NEMP2: variants seen among roughly 807,000 people sequenced by gnomAD.
NEMP2 encodes the protein nuclear envelope integral membrane protein 2, also known as UPF0571 transmembrane protein.
Under a neutral mutation model 54.2 loss-of-function variants are expected in NEMP2, and 53 were observed. That is an observed-to-expected ratio of 0.98 (90% CI 0.78 to 1.23). The LOEUF (loss-of-function observed/expected upper bound fraction) is 1.23, where lower values mean the gene tolerates loss of function less well. NEMP2 is among the 50% of genes most tolerant of loss of function. NEMP2 has a pLI of 0.00. For synonymous variants in NEMP2, 197 were observed against 190.3 expected (o/e 1.04, Z -0.29); for missense variants, 455 against 511.3 (o/e 0.89, Z 1.06).
the NEMP2 span, among the ~76,000 whole-genome samples, chr2:190,425,466 G>C: frequency 2.0e-5 from 3 of 152,088 alleles, no homozygotes; most frequent in African/African-American, 7.2e-5. This position sits in a 1 kb window ranked among gnomAD's most constrained non-coding sequence, Gnocchi z 4.3. Flanking sequence ...TTACCCATGG[G>C]TTTCCGTAGG....
the NEMP2 span, among the ~76,000 whole-genome samples, chr2:190,559,190 T>C: frequency 6.6e-6 from 1 of 152,170 alleles, no homozygotes; most frequent in Non-Finnish European, 1.5e-5. The surrounding 1 kb of genome is among the most constrained non-coding windows in gnomAD (Gnocchi z 4.0). Flanking sequence ...GAAGATAATG[T>C]TGGGTTTCTG....
chr2:190,456,091 T>A, the NEMP2 span, among the ~76,000 whole-genome samples: 1 of 151,582 alleles, frequency 6.6e-6, no homozygotes, highest in Admixed American at 6.6e-5. The surrounding 1 kb of genome is among the most constrained non-coding windows in gnomAD (Gnocchi z 5.4). Context: ...CAGGCATGCA[T>A]CACCATGCCC....
chr2:190,546,064 T>G, the NEMP2 span, among the ~76,000 whole-genome samples: 1 of 152,230 alleles, frequency 6.6e-6, no homozygotes, highest in African/African-American at 2.4e-5. The surrounding 1 kb of genome is among the most constrained non-coding windows in gnomAD (Gnocchi z 5.1). Flanking sequence ...TGTTCTACAC[T>G]GTTTCTATAA....
the NEMP2 span, among the ~76,000 whole-genome samples, chr2:190,565,146 G>T: frequency 6.8e-6 from 1 of 146,322 alleles, no homozygotes; most frequent in African/African-American, 2.4e-5. Flanking sequence ...TCCTGCTCCA[G>T]GAGGAAATAC....
chr2:190,503,275 G>C (rs185791461), downstream of NEMP2, among the ~76,000 whole-genome samples: 1 of 152,218 alleles, frequency 6.6e-6, no homozygotes, highest in Non-Finnish European at 1.5e-5. This position sits in a 1 kb window ranked among gnomAD's most constrained non-coding sequence, Gnocchi z 6.3. Flanking sequence ...TGGAAATCAG[G>C]AAGGGAAAGC....
the NEMP2 span, among the ~76,000 whole-genome samples, chr2:190,584,359 C>A: frequency 6.6e-6 from 1 of 152,122 alleles, no homozygotes; most frequent in Non-Finnish European, 1.5e-5. This position sits in a 1 kb window ranked among gnomAD's most constrained non-coding sequence, Gnocchi z 4.2. Context: ...CACCATAGCT[C>A]CCTGGAACCA....
chr2:190,600,453 T>G, the NEMP2 span, among the ~76,000 whole-genome samples: 1 of 152,176 alleles, frequency 6.6e-6, no homozygotes, highest in Admixed American at 6.5e-5. The surrounding 1 kb of genome is among the most constrained non-coding windows in gnomAD (Gnocchi z 4.9). Flanking sequence ...TAACCCCCAG[T>G]GTGGCCCTGT....
chr2:190,435,880 T>G, the NEMP2 span: 2 of 1,028,580 alleles, frequency 1.9e-6, no homozygotes, highest in East Asian at 5.2e-5. Flanking sequence ...CAATTATTAT[T>G]TTAGTTTGTA....
rs1055087333 is a variant in NEMP2 at position 190,510,621 on chromosome 2, G to A, written c.954-84C>T. The A allele has an allele frequency of 1.4e-5, 20 of 1,432,112 alleles. No homozygotes were observed. Among genetic ancestry groups the A allele is most frequent in the Middle Eastern group, 1.7e-4 (1 of 5,736 alleles). The allele number at this position is 1,432,112 out of a possible 1,614,324, so 88.7% of individuals were successfully genotyped here. On this transcript the variant is annotated intron_variant, in intron 7 of 8. Coordinates refer to ENST00000409150, the MANE Select transcript of NEMP2 (RefSeq NM_001142645.2). The surrounding 1 kb of genome is among the most constrained non-coding windows in gnomAD (Gnocchi z 5.7). ...AAATAGGCCAGGCTCGGTGGCTCAC[G>A]CCTGTAATCCAGCATTTTGGGAGGC... is the stretch of plus-strand genomic sequence containing the variant.
At chr2:190,500,164 G>T, downstream of NEMP2, 1 of 1,614,108 alleles carries the variant, frequency 6.2e-7, no homozygotes, top group South Asian at 1.1e-5. This position sits in a 1 kb window ranked among gnomAD's most constrained non-coding sequence, Gnocchi z 5.3. Flanking sequence ...GTGTGGACCC[G>T]TGCACAGAGG....
chr2:190,502,536 A>T (rs908175239), downstream of NEMP2, among the ~76,000 whole-genome samples: 1 of 152,240 alleles, frequency 6.6e-6, no homozygotes, highest in African/African-American at 2.4e-5. This position sits in a 1 kb window ranked among gnomAD's most constrained non-coding sequence, Gnocchi z 4.4. Context: ...ATTATAATAC[A>T]TACATTGTCC....
chr2:190,565,845 A>G, the NEMP2 span, among the ~76,000 whole-genome samples: 3 of 152,212 alleles, frequency 2.0e-5, no homozygotes, highest in African/African-American at 7.2e-5. Flanking sequence ...TCCTTATAAG[A>G]AGAGAAAGAC....
intron 3 of NEMP2, 50 bp downstream of exon 3, chr2:190,518,902 C>G: frequency 6.6e-7 from 1 of 1,520,324 alleles, no homozygotes; most frequent in South Asian, 1.2e-5. Flanking sequence ...TGAAAAGTTA[C>G]TCCAGAAAAA....
At chr2:190,471,700 C>G in the NEMP2 span, among the ~76,000 whole-genome samples, 1 of 152,208 alleles carries the variant, frequency 6.6e-6, no homozygotes, top group Non-Finnish European at 1.5e-5. The surrounding 1 kb of genome is among the most constrained non-coding windows in gnomAD (Gnocchi z 4.7). Context: ...CAGCAGAAAC[C>G]TCTGCAGACT....
chr2:190,460,808 T>C, the NEMP2 span, among the ~76,000 whole-genome samples: 2 of 151,886 alleles, frequency 1.3e-5, no homozygotes, highest in Non-Finnish European at 2.9e-5. Context: ...TCCCTGCGAG[T>C]GGGAGGACTG....
the NEMP2 span, among the ~76,000 whole-genome samples, chr2:190,575,101 C>T: frequency 6.6e-6 from 1 of 151,728 alleles, no homozygotes; most frequent in Non-Finnish European, 1.5e-5. Context: ...ATGATCTGCC[C>T]GCCTCGCCCT....
chr2:190,457,854 G>A, the NEMP2 span, among the ~76,000 whole-genome samples: 2 of 152,134 alleles, frequency 1.3e-5, no homozygotes, highest in East Asian at 1.9e-4. This position sits in a 1 kb window ranked among gnomAD's most constrained non-coding sequence, Gnocchi z 5.1. Context: ...CATATGCCCC[G>A]CCATGCTGCC....
chr2:190,555,057 G>A, the NEMP2 span, among the ~76,000 whole-genome samples: 1 of 152,214 alleles, frequency 6.6e-6, no homozygotes, highest in East Asian at 1.9e-4. The surrounding 1 kb of genome is among the most constrained non-coding windows in gnomAD (Gnocchi z 4.8). Flanking sequence ...GCAAGCTCCA[G>A]CAGACCTGCA....
the NEMP2 span, among the ~76,000 whole-genome samples, chr2:190,617,787 T>C: frequency 7.9e-5 from 12 of 152,254 alleles, no homozygotes; most frequent in African/African-American, 2.7e-4. The surrounding 1 kb of genome is among the most constrained non-coding windows in gnomAD (Gnocchi z 5.0). Flanking sequence ...AGGGTATCCA[T>C]GTAGGAATTG....
Sources: allele counts gnomAD v4.1 joint callset (sites outside exome capture counted in the v4.1 genomes callset), GRCh38; gene constraint gnomAD v4.1.1; non-coding constraint Gnocchi (gnomAD v3.1); transcripts MANE v1.5; gene names NCBI Gene and HGNC (gene_info 2026-07-23, HGNC 2026-07-21).